NEBL: variants seen among roughly 807,000 people sequenced by gnomAD.
The protein encoded by NEBL is LIM and SH3 protein 2.
Under a neutral mutation model 140.2 loss-of-function variants are expected in NEBL, and 122 were observed. The ratio of observed to expected loss-of-function variants is 0.87; its 90% CI spans 0.75 to 1.01. The LOEUF (loss-of-function observed/expected upper bound fraction) is 1.01, where lower values mean the gene tolerates loss of function less well. Among genes scored for constraint, NEBL ranks in the 50% least tolerant of loss-of-function variants. The pLI is 0.00. For missense variants in NEBL, 1,365 were observed against 1,231.3 expected, an observed-to-expected ratio of 1.11 and a Z score of -1.62; for synonymous variants, 436 against 398.9, an observed-to-expected ratio of 1.09 and a Z score of -1.11.
chr10:21,029,926 T>C (rs1029282626), intron 2 of NEBL: 34 of 592,036 alleles, frequency 5.7e-5, no homozygotes, highest in Non-Finnish European at 1.0e-4. Flanking sequence ...GGATGATGGG[T>C]CGTGCAGCTC....
At chr10:20,900,532 G>A (rs1564433431), upstream of NEBL, among the ~76,000 whole-genome samples, 1 of 151,584 alleles carries the variant, frequency 6.6e-6, no homozygotes, top group Non-Finnish European at 1.5e-5. Flanking sequence ...AGAAAAATTA[G>A]CCGGGCATGG....
chr10:21,182,374 G>A (rs567700459), intron 3 of NEBL, among the ~76,000 whole-genome samples: 13 of 152,156 alleles, frequency 8.5e-5, no homozygotes, highest in Non-Finnish European at 1.6e-4. Context: ...TACTCAGGAG[G>A]CTACGGAAGG....
chr10:20,895,611 T>C (rs1847410123), intron 2 of NEBL, among the ~76,000 whole-genome samples: 1 of 152,252 alleles, frequency 6.6e-6, no homozygotes, highest in Non-Finnish European at 1.5e-5. Flanking sequence ...CACTTATTAT[T>C]ACTGCAATTT....
At chr10:20,961,720 G>A (rs1482595166) in exon 4 of NEBL, 1 of 1,613,892 alleles carries the variant, frequency 6.2e-7, no homozygotes, top group Non-Finnish European at 8.5e-7. Flanking sequence ...GCTCAGGAGT[G>A]TCCGTGACGA....
At chr10:21,185,764 T>C (rs7916714) in intron 3 of NEBL, among the ~76,000 whole-genome samples, 9,266 of 152,180 alleles carry the variant, frequency 0.061, 484 homozygotes, top group African/African-American at 0.14. Context: ...TCCCAAAGTG[T>C]TGGGATTACA....
At chr10:21,213,907 G>T (rs572825019) in intron 3 of NEBL, among the ~76,000 whole-genome samples, 1 of 152,236 alleles carries the variant, frequency 6.6e-6, no homozygotes, top group South Asian at 2.1e-4. Context: ...GCGAGGGAAA[G>T]GACAAGGTCT....
At chr10:20,910,084 AT>A (rs2131460396) in intron 4 of NEBL, among the ~76,000 whole-genome samples, 1 of 152,208 alleles carries the variant, frequency 6.6e-6, no homozygotes, top group South Asian at 2.1e-4. Flanking sequence ...AAAAAGTTGA[AT>A]TTTTTGGGCA....
chr10:21,078,097 T>C (rs1175050714), intron 2 of NEBL, among the ~76,000 whole-genome samples: 6 of 152,092 alleles, frequency 3.9e-5, no homozygotes, highest in Non-Finnish European at 2.9e-5. Flanking sequence ...AAGATGGAAA[T>C]GCATTCTATG....
At chr10:20,881,356 C>T (rs1341796142) in intron 4 of NEBL, among the ~76,000 whole-genome samples, 2 of 152,166 alleles carry the variant, frequency 1.3e-5, no homozygotes, top group Admixed American at 6.5e-5. Context: ...ATTAAGTGCA[C>T]AAACCTTTGG....
chr10:21,146,035 A>T (rs1355895994), intron 2 of NEBL, among the ~76,000 whole-genome samples: 8 of 152,182 alleles, frequency 5.3e-5, no homozygotes, highest in Admixed American at 2.6e-4. Context: ...GGGAAGGCAA[A>T]GAGGAGCATT....
intron 7 of NEBL, among the ~76,000 whole-genome samples, chr10:20,860,844 G>A (rs946715942): frequency 1.3e-5 from 2 of 152,140 alleles, no homozygotes; most frequent in Non-Finnish European, 2.9e-5. Flanking sequence ...TGCATAGGGT[G>A]ATGGTCTCCT....
At chr10:21,161,727 G>A (rs1840567865) in intron 2 of NEBL, among the ~76,000 whole-genome samples, 1 of 152,090 alleles carries the variant, frequency 6.6e-6, no homozygotes, top group African/African-American at 2.4e-5. Context: ...ATGTCCTGAT[G>A]GAATAGGAAG....
chr10:21,055,500 C>A (rs1351337642), intron 2 of NEBL, among the ~76,000 whole-genome samples: 1 of 152,054 alleles, frequency 6.6e-6, no homozygotes, highest in Non-Finnish European at 1.5e-5. Context: ...AATGAAAACC[C>A]ACCCACCTGT....
chr10:20,897,182 A>C lies in NEBL; in HGVS notation c.24T>G (p.Asp8Glu). ...TTTCTTCTTCAGTTTCATCTTTTAT[A>C]TCCTCAAATACAGGGACCCTCATTT... MRVPVFE[D>E]IKDETEEEKI... Residue 8 changes from aspartate (D) to glutamate (E), a missense_variant, in exon 1 of 28, where the codon GAT (aspartate) becomes GAG (glutamate). Around this residue, in one of 2 missense-constraint regions of NEBL, gnomAD observed 1,323 missense variants for 1,154.8 expected, o/e 1.15. Coordinates refer to ENST00000377122, the MANE Select transcript of NEBL (RefSeq NM_006393.3). 6.2e-7 allele frequency: 1 copy of C among 1,603,956 alleles called. No homozygotes were observed.
At chr10:21,041,139 A>G (rs1834250859) in intron 2 of NEBL, among the ~76,000 whole-genome samples, 1 of 152,172 alleles carries the variant, frequency 6.6e-6, no homozygotes, top group Non-Finnish European at 1.5e-5. Flanking sequence ...GGTTTGGTGT[A>G]CAGATAATTT....
At chr10:20,800,553 T>C (rs1274310228) in intron 26 of NEBL, among the ~76,000 whole-genome samples, 6 of 152,180 alleles carry the variant, frequency 3.9e-5, no homozygotes, top group African/African-American at 1.4e-4. Flanking sequence ...ACTTCCATAC[T>C]GTTTTCCACA....
chr10:21,065,469 C>T (rs1440295), intron 2 of NEBL, among the ~76,000 whole-genome samples: 57,803 of 151,962 alleles, frequency 0.38, 13,705 homozygotes, highest in Non-Finnish European at 0.52. Flanking sequence ...CCCACAGTGC[C>T]GAAAATGAAT....
chr10:21,091,434 G>GA (rs1010575859), intron 2 of NEBL, among the ~76,000 whole-genome samples: 47 of 151,916 alleles, frequency 3.1e-4, no homozygotes. Flanking sequence ...CTATCACAAT[G>GA]AAAAAAATGT....
At chr10:21,275,129 C>T (rs1842903986) in intron 1 of NEBL, among the ~76,000 whole-genome samples, 1 of 152,108 alleles carries the variant, frequency 6.6e-6, no homozygotes, top group South Asian at 2.1e-4. Flanking sequence ...AGATGAGATG[C>T]CCACCCCACC....
Sources: allele counts gnomAD v4.1 joint callset (sites outside exome capture counted in the v4.1 genomes callset), GRCh38; gene constraint gnomAD v4.1.1; regional missense constraint gnomAD v4.1.1; transcripts MANE v1.5; gene names NCBI Gene and HGNC (gene_info 2026-07-23, HGNC 2026-07-21).